BCAS3: variants seen among roughly 807,000 people sequenced by gnomAD.
BCAS3 encodes the protein BCAS3 microtubule associated cell migration factor.
A neutral mutation model predicts 116.1 loss-of-function variants in BCAS3; 53 were observed. That is an observed-to-expected ratio of 0.46 (90% CI 0.37 to 0.57). The LOEUF (loss-of-function observed/expected upper bound fraction) is 0.57. BCAS3 is among the 20% of genes least tolerant of loss of function. BCAS3 has a pLI of 0.00. For synonymous variants in BCAS3, 391 were observed against 408.2 expected, an observed-to-expected ratio of 0.96 and a Z score of 0.51; for missense variants, 917 against 1,165.4, an observed-to-expected ratio of 0.79 and a Z score of 3.10.
In BCAS3 at chr17:61,367,802, T is replaced by A. The variant is rs1364719441; in HGVS notation, c.2426-525T>A. 6.7e-6 allele frequency: 1 copy of A among 149,160 alleles called. No individual in the cohort carries two copies. Among genetic ancestry groups the A allele is most frequent in the African/African-American group, 2.6e-5 (1 of 38,688 alleles). The allele number at this position is 149,160 out of a possible 1,614,324, so 9.2% of individuals were successfully genotyped here. A position where few individuals can be genotyped will look rare whatever the true frequency, so the allele number is the denominator to read the frequency against. ...ATAACCCCTTCTTTAAATGAAAATTTATTTATTTATTTATTTATTTATTTG... is the reference window on the plus strand; with the variant it reads ...ATAACCCCTTCTTTAAATGAAAATTAATTTATTTATTTATTTATTTATTTG... On this transcript the variant is annotated intron_variant, in intron 22 of 23. Coordinates refer to ENST00000407086, the MANE Select transcript of BCAS3 (RefSeq NM_017679.5). The surrounding 1 kb of genome is among the most constrained non-coding windows in gnomAD (Gnocchi z 6.2).
intron 22 of BCAS3, among the ~76,000 whole-genome samples, chr17:61,299,003 A>G (rs1350020476): frequency 6.6e-6 from 1 of 151,764 alleles, no homozygotes; most frequent in East Asian, 2.0e-4. Flanking sequence ...TTATATTTTT[A>G]GTAGAGATGA....
chr17:61,182,928 G>C (rs1384532958), intron 22 of BCAS3, among the ~76,000 whole-genome samples: 2 of 152,186 alleles, frequency 1.3e-5, no homozygotes, highest in Non-Finnish European at 1.5e-5. Flanking sequence ...GCTATGTGCT[G>C]AATGACTTCC....
Position 61,390,279 on chromosome 17 carries a change from C to T in BCAS3, c.2594-1698C>T, listed in dbSNP as rs1366353858. ...CTACTCTTGGCTTTACCACCCTCTC[C>T]ATCTCATGGCACGATGGCCTGTCCC... is the stretch of plus-strand genomic sequence containing the variant. On this transcript the variant is annotated intron_variant, in intron 23 of 23. Coordinates refer to ENST00000407086, the MANE Select transcript of BCAS3 (RefSeq NM_017679.5). This position sits in a 1 kb window ranked among gnomAD's most constrained non-coding sequence, Gnocchi z 6.8. 6.6e-6 allele frequency: 1 copy of T among 152,306 alleles called. No individual in the cohort carries two copies. Among genetic ancestry groups the T allele is most frequent in the Admixed American group, 6.5e-5 (1 of 15,280 alleles). 9.4% of individuals were successfully genotyped at this position (152,306 alleles called of 1,614,324 possible). A position where few individuals can be genotyped will look rare whatever the true frequency, so the allele number is the denominator to read the frequency against.
intron 22 of BCAS3, among the ~76,000 whole-genome samples, chr17:61,094,154 T>C (rs570075288): frequency 3.3e-5 from 5 of 152,298 alleles, no homozygotes; most frequent in African/African-American, 1.2e-4. Context: ...TACTTAAGAG[T>C]TCTTTTTTAA....
Position 61,140,425 on chromosome 17 carries a change from A to T in BCAS3, c.2425+55861A>T, listed in dbSNP as rs970060917. On this transcript the variant is annotated intron_variant, in intron 22 of 23. Coordinates refer to ENST00000407086, the MANE Select transcript of BCAS3 (RefSeq NM_017679.5). The surrounding 1 kb of genome is among the most constrained non-coding windows in gnomAD (Gnocchi z 4.2). ...GGAGATGTGGAACAGGGGACAAGAG[A>T]TGGAAGGTTTTGAGTTGGGGAAAAG... Among the ~76,000 whole-genome samples the T allele has an allele frequency of 6.6e-6, 1 of 152,248 alleles. No individual in the cohort carries two copies. The highest frequency in any genetic ancestry group is 1.5e-5 in the Non-Finnish European group (1 of 68,048).
intron 22 of BCAS3, among the ~76,000 whole-genome samples, chr17:61,176,138 C>CAAAAAAAAAAAAAAAAA (rs534042215): frequency 2.0e-5 from 1 of 50,046 alleles, no homozygotes; most frequent in African/African-American, 6.6e-5. Context: ...GACCCTATCT[C>CAAAAAAAAAAAAAAAAA]AAAAAAAAAA....
At chr17:60,866,076 C>T (rs1319241863) in intron 7 of BCAS3, among the ~76,000 whole-genome samples, 3 of 151,358 alleles carry the variant, frequency 2.0e-5, no homozygotes, top group Admixed American at 6.6e-5. Context: ...GTAAAGCAGC[C>T]TTGCATTCCT....
chr17:61,152,389 CA>C (rs2077589569), intron 22 of BCAS3, among the ~76,000 whole-genome samples: 1 of 152,060 alleles, frequency 6.6e-6, no homozygotes, highest in African/African-American at 2.4e-5. Flanking sequence ...GTGCATTTTA[CA>C]ATCCTCTTGC....
chr17:61,054,395 C>G (rs1414496291), intron 19 of BCAS3, among the ~76,000 whole-genome samples: 4 of 152,166 alleles, frequency 2.6e-5, no homozygotes, highest in African/African-American at 9.7e-5. Flanking sequence ...GACAGGGTCT[C>G]ACTCTCTTGC....
At chr17:60,779,526 C>CGAT (rs2045610749) in intron 6 of BCAS3, among the ~76,000 whole-genome samples, 2 of 151,938 alleles carry the variant, frequency 1.3e-5, no homozygotes, top group African/African-American at 4.8e-5. Context: ...TGTGCCACAA[C>CGAT]GCCTAGCTAA....
At chr17:60,853,853 T>A (rs774035833) in intron 7 of BCAS3, among the ~76,000 whole-genome samples, 2 of 152,236 alleles carry the variant, frequency 1.3e-5, no homozygotes, top group Non-Finnish European at 2.9e-5. Flanking sequence ...CATTCCTTTT[T>A]ATTGCTGAAT....
chr17:61,018,983 A>G (rs749641661), intron 16 of BCAS3, among the ~76,000 whole-genome samples: 6 of 152,050 alleles, frequency 3.9e-5, no homozygotes, highest in Non-Finnish European at 7.4e-5. Flanking sequence ...CTTCCTATTA[A>G]TATAGAGTAC....
At chr17:60,998,112 C>A (rs1215063827) in intron 15 of BCAS3, among the ~76,000 whole-genome samples, 2 of 152,170 alleles carry the variant, frequency 1.3e-5, no homozygotes, top group South Asian at 4.1e-4. Flanking sequence ...TTTTCTGTTT[C>A]TGTGTTAATT....
chr17:60,868,591 C>A lies in BCAS3; in HGVS notation c.492C>A (p.Tyr164Ter). ...TCTTTTTTAGCACAAGCCCACCGTA[C>A]TGTTGTGTGGATCTGTATTCACTTC... is the stretch of plus-strand genomic sequence containing the variant. The part of the protein sequence containing the change: ...SIGSSGTSPP[Y>*]CCVDLYSLRT... The change falls in exon 8 of 24, where the codon TAC becomes TAA. Residue 164 changes from tyrosine to a stop codon, truncating the protein, a stop_gained. Coordinates refer to ENST00000407086, the MANE Select transcript of BCAS3 (RefSeq NM_017679.5). LOFTEE classifies it high-confidence loss of function. 1 of 1,576,740 alleles carries A rather than the reference C, an allele frequency of 6.3e-7. No homozygotes were observed. The highest frequency in any genetic ancestry group is 1.2e-5 in the South Asian group (1 of 84,374).
In BCAS3 at chr17:61,265,329, G is replaced by A. The variant is rs945431426; in HGVS notation, c.2426-102998G>A. On this transcript the variant is annotated intron_variant, in intron 22 of 23. Coordinates refer to ENST00000407086, the MANE Select transcript of BCAS3 (RefSeq NM_017679.5). This position sits in a 1 kb window ranked among gnomAD's most constrained non-coding sequence, Gnocchi z 4.3. ...TGAGGCAGGAGAATCGTTCGAACCC[G>A]AGAGGCAGAGGTTGCAGTGAGCCGA... Among the ~76,000 whole-genome samples, 1 of 151,732 alleles carries A rather than the reference G, an allele frequency of 6.6e-6. No individual in the cohort carries two copies. The highest frequency in any genetic ancestry group is 2.4e-5 in the African/African-American group (1 of 41,268).
Position 60,797,937 on chromosome 17 carries a change from G to A in BCAS3, c.404-10067G>A, listed in dbSNP as rs141972598. On this transcript the variant is annotated intron_variant, in intron 6 of 23. Coordinates refer to ENST00000407086, the MANE Select transcript of BCAS3 (RefSeq NM_017679.5). Reference sequence around the variant, plus strand: ...TGTGCCTGTAGTCCCAGCTACTCAGGAGGCTAAGGTGGGAGGATCATTTGA... The same window carrying A: ...TGTGCCTGTAGTCCCAGCTACTCAGAAGGCTAAGGTGGGAGGATCATTTGA... Among the ~76,000 whole-genome samples, 352 of 152,288 alleles carry A rather than the reference G, an allele frequency of 2.3e-3. 3 individuals are homozygous for A. Among genetic ancestry groups the A allele is most frequent in the African/African-American group, 8.2e-3 (339 of 41,548 alleles).
chr17:61,077,232 T>C lies in BCAS3; in HGVS notation c.2131-1101T>C, dbSNP rs1289539954. ...GACTTTATAATGTTTAATAAAGTAT[T>C]GGCGGCCGGGCGCAGTGGCTCACGC... On this transcript the variant is annotated intron_variant, in intron 20 of 23. Transcript: ENST00000407086. This position sits in a 1 kb window ranked among gnomAD's most constrained non-coding sequence, Gnocchi z 4.3. 1.3e-5 allele frequency among the ~76,000 whole-genome samples: 2 copies of C among 152,152 alleles called. No homozygotes were observed. Among genetic ancestry groups the C allele is most frequent in the Non-Finnish European group, 2.9e-5 (2 of 68,034 alleles).
chr17:60,954,705 G>A (rs1254645213), intron 14 of BCAS3, among the ~76,000 whole-genome samples: 2 of 152,008 alleles, frequency 1.3e-5, no homozygotes, highest in African/African-American at 4.8e-5. Context: ...GTAAATATGG[G>A]AATATTTAAC....
chr17:60,989,558 G>A (rs2063392707), intron 14 of BCAS3, among the ~76,000 whole-genome samples: 1 of 151,210 alleles, frequency 6.6e-6, no homozygotes, highest in Non-Finnish European at 1.5e-5. Context: ...GTAGAGCTGA[G>A]TAACTGCAAC....
Sources: gnomAD v4.1 joint callset for allele counts (sites outside exome capture counted in the v4.1 genomes callset) on GRCh38, gnomAD v4.1.1 for gene constraint, Gnocchi (gnomAD v3.1) non-coding constraint, MANE v1.5 for transcripts, NCBI Gene and HGNC (gene_info 2026-07-23, HGNC 2026-07-21) for gene names.